Variants in RAPGEF4 observed in about 807,000 individuals in gnomAD.
RAPGEF4 encodes the protein Rap guanine nucleotide exchange factor 4, also known as RAP guanine-nucleotide-exchange factor (GEF) 4.
In RAPGEF4, 66 loss-of-function variants were observed where a neutral mutation model predicts 147.9. The observed-to-expected ratio is 0.45, with a 90% CI of 0.37 to 0.55. The LOEUF is 0.55. Among genes scored for constraint, RAPGEF4 ranks in the 20% least tolerant of loss-of-function variants. The pLI is 0.00. For missense variants in RAPGEF4, 1,071 were observed against 1,257.3 expected, an observed-to-expected ratio of 0.85 and a Z score of 2.24; for synonymous variants, 419 against 442.7, an observed-to-expected ratio of 0.95 and a Z score of 0.67.
intron 4 of RAPGEF4, among the ~76,000 whole-genome samples, chr2:172,819,932 G>A (rs1227494548): frequency 2.0e-5 from 3 of 152,126 alleles, no homozygotes; most frequent in African/African-American, 4.8e-5. Flanking sequence ...GGTATTTTAT[G>A]ATTGATAGTA....
chr2:172,790,789 G>C (rs1226591435), intron 1 of RAPGEF4, among the ~76,000 whole-genome samples: 3 of 152,204 alleles, frequency 2.0e-5, no homozygotes, highest in Non-Finnish European at 4.4e-5. Context: ...CTCAATGAGA[G>C]AGTGGCGTAA....
At chr2:173,044,359 G>A (rs1685166456) in intron 29 of RAPGEF4, among the ~76,000 whole-genome samples, 2 of 152,168 alleles carry the variant, frequency 1.3e-5, no homozygotes, top group Non-Finnish European at 2.9e-5. Flanking sequence ...TGCTACATCA[G>A]CAGGGTGGTG....
chr2:172,813,223 A>G (rs939609980), intron 3 of RAPGEF4, among the ~76,000 whole-genome samples: 5 of 152,178 alleles, frequency 3.3e-5, no homozygotes, highest in Non-Finnish European at 5.9e-5. Context: ...CATGAAAGGA[A>G]AACTGGGCTT....
chr2:172,945,878 A>C (rs1390906746), intron 6 of RAPGEF4, among the ~76,000 whole-genome samples: 1 of 152,174 alleles, frequency 6.6e-6, no homozygotes, highest in Non-Finnish European at 1.5e-5. Flanking sequence ...CAGAAGAAAT[A>C]TCTCATCCAA....
At chr2:172,787,071 G>A (rs527471686) in intron 1 of RAPGEF4, among the ~76,000 whole-genome samples, 244 of 152,124 alleles carry the variant, frequency 1.6e-3, no homozygotes, top group African/African-American at 5.5e-3. Context: ...AATTAGCCAG[G>A]TGTGGTGGCA....
At chr2:172,996,685 G>T in intron 16 of RAPGEF4, 131 bp downstream of exon 16, 1 of 626,788 alleles carries the variant, frequency 1.6e-6, no homozygotes, top group East Asian at 3.2e-5. Context: ...TATTTGAAAA[G>T]CATCTCTGTG....
At chr2:172,876,653 G>A (rs1419550825) in intron 4 of RAPGEF4, among the ~76,000 whole-genome samples, 2 of 152,168 alleles carry the variant, frequency 1.3e-5, no homozygotes, top group East Asian at 3.8e-4. Flanking sequence ...CGGTTTGCCA[G>A]TATTTTATTG....
At chr2:172,876,519 G>A (rs565638823) in intron 4 of RAPGEF4, among the ~76,000 whole-genome samples, 2 of 152,290 alleles carry the variant, frequency 1.3e-5, no homozygotes, top group Admixed American at 1.3e-4. Context: ...TGTGGTTTTT[G>A]TCTTTGGTTC....
intron 15 of RAPGEF4, among the ~76,000 whole-genome samples, chr2:172,991,247 G>A (rs1255273970): frequency 6.6e-6 from 1 of 152,212 alleles, no homozygotes; most frequent in Non-Finnish European, 1.5e-5. Flanking sequence ...ATGCCAGGCA[G>A]CTCAAAGGAT....
In RAPGEF4 at chr2:173,027,120, A is replaced by G. The variant is rs761454311; in HGVS notation, c.2419A>G (p.Lys807Glu). The change falls in exon 25 of 31, where the codon AAA (lysine) becomes GAA (glutamate). Residue 807 changes from lysine (K) to glutamate (E), a missense_variant. Coordinates refer to ENST00000397081, the MANE Select transcript of RAPGEF4 (RefSeq NM_007023.4). The stretch of plus-strand genomic sequence containing the variant: ...TCACACATTTGGAAGGCATAATTTT[A>G]AAAAGACCACAGCAAACTTGGATTT... The part of the protein sequence containing the change: ...IYHTFGRHNF[K>E]KTTANLDLFL... The G allele has an allele frequency of 6.2e-7, 1 of 1,610,106 alleles. No individual in the cohort carries two copies.
chr2:172,913,867 C>T (rs1683735527), intron 4 of RAPGEF4, among the ~76,000 whole-genome samples: 1 of 152,160 alleles, frequency 6.6e-6, no homozygotes, highest in African/African-American at 2.4e-5. Context: ...CTCTCTCCTG[C>T]TTGACCCTCA....
At chr2:172,766,811 T>C (rs1161522841) in intron 1 of RAPGEF4, among the ~76,000 whole-genome samples, 1 of 152,234 alleles carries the variant, frequency 6.6e-6, no homozygotes. Flanking sequence ...TTGAGATCTA[T>C]TGATGTTGTT....
chr2:172,976,740 G>T (rs1006469774), intron 10 of RAPGEF4, among the ~76,000 whole-genome samples: 5 of 152,170 alleles, frequency 3.3e-5, no homozygotes, highest in Non-Finnish European at 7.4e-5. Flanking sequence ...ATGGCTGGAT[G>T]AATCCCTCAT....
intron 4 of RAPGEF4, among the ~76,000 whole-genome samples, chr2:172,833,072 C>G (rs1690533259): frequency 6.6e-6 from 1 of 152,050 alleles, no homozygotes; most frequent in African/African-American, 2.4e-5. Context: ...GGAGTGGTAA[C>G]ACACGCCTGT....
chr2:172,850,617 CA>C (rs542078730), intron 4 of RAPGEF4, among the ~76,000 whole-genome samples: 2,515 of 129,070 alleles, frequency 0.019, 16 homozygotes, highest in South Asian at 0.041. Context: ...GACTCTGTCT[CA>C]AAAAAAAAAA....
chr2:172,761,187 A>G (rs536107210), intron 1 of RAPGEF4, among the ~76,000 whole-genome samples: 17 of 147,566 alleles, frequency 1.2e-4, no homozygotes, highest in African/African-American at 4.3e-4. Flanking sequence ...GTGCAATGGC[A>G]TGATCTCAGC....
At chr2:172,738,232 T>C (rs1693991058) in intron 1 of RAPGEF4, among the ~76,000 whole-genome samples, 2 of 152,308 alleles carry the variant, frequency 1.3e-5, no homozygotes, top group African/African-American at 2.4e-5. Context: ...GATCCTCTTT[T>C]CCAGGCACTG....
In RAPGEF4 at chr2:172,997,184, C is replaced by T. The variant is rs1307303723; in HGVS notation, c.1579+630C>T. ...CTCTCTCCTAGCCTCCTGTGGTTTGCAGGCTATCTTTGGCATCCTTTGGCT... is the reference window on the plus strand; with the variant it reads ...CTCTCTCCTAGCCTCCTGTGGTTTGTAGGCTATCTTTGGCATCCTTTGGCT... On this transcript the variant is annotated intron_variant, in intron 16 of 30. Coordinates refer to ENST00000397081, the MANE Select transcript of RAPGEF4 (RefSeq NM_007023.4). Among the ~76,000 whole-genome samples, 4 of 152,292 alleles carry T rather than the reference C, an allele frequency of 2.6e-5. No individual in the cohort carries two copies. In the East Asian group the frequency reaches 7.7e-4, roughly 29 times the overall value.
chr2:173,007,098 G>A (rs990972323), intron 17 of RAPGEF4, among the ~76,000 whole-genome samples: 1 of 152,116 alleles, frequency 6.6e-6, no homozygotes, highest in Non-Finnish European at 1.5e-5. Flanking sequence ...TTTCACAATA[G>A]GGAAAGTGAG....
Sources: allele counts gnomAD v4.1 joint callset (sites outside exome capture counted in the v4.1 genomes callset), GRCh38; gene constraint gnomAD v4.1.1; transcripts MANE v1.5; gene names NCBI Gene and HGNC (gene_info 2026-07-23, HGNC 2026-07-21).